KCNIP4: variants seen among roughly 807,000 people sequenced by gnomAD.
The protein encoded by KCNIP4 is Kv channel-interacting protein 4.
In KCNIP4, 12 loss-of-function variants were observed where a neutral mutation model predicts 34.0. The observed-to-expected ratio is 0.35, with a 90% CI of 0.23 to 0.57. KCNIP4 has a LOEUF of 0.57. Among genes scored for constraint, KCNIP4 ranks in the 20% least tolerant of loss-of-function variants. The probability of loss-of-function intolerance (pLI) is 0.83; values close to 1 mark genes in which losing one functional copy is unlikely to be tolerated. For missense variants in KCNIP4, 238 were observed against 311.7 expected (o/e 0.76, Z 1.78); for synonymous variants, 124 against 102.2 (o/e 1.21, Z -1.29).
At chr4:21,368,358 G>A (rs1277035875) in intron 1 of KCNIP4, among the ~76,000 whole-genome samples, 1 of 147,024 alleles carries the variant, frequency 6.8e-6, no homozygotes, top group Non-Finnish European at 1.5e-5. Flanking sequence ...AAGACCATTT[G>A]TGATTTAGAA....
At chr4:20,759,385 T>C (rs1340900133) in intron 3 of KCNIP4, among the ~76,000 whole-genome samples, 1 of 152,196 alleles carries the variant, frequency 6.6e-6, no homozygotes, top group Non-Finnish European at 1.5e-5. Flanking sequence ...ACAGGATGTC[T>C]AGGCATACCC....
At chr4:21,846,564 G>A (rs1157997934) in intron 1 of KCNIP4, 2 of 152,118 alleles carry the variant, frequency 1.3e-5, no homozygotes, top group East Asian at 1.9e-4. Flanking sequence ...ATGCTTACTA[G>A]TATAGCATAC....
At chr4:21,080,266 A>G (rs1231970608) in intron 1 of KCNIP4, among the ~76,000 whole-genome samples, 5 of 151,900 alleles carry the variant, frequency 3.3e-5, no homozygotes, top group African/African-American at 2.4e-5. Context: ...GGGGATTATC[A>G]TGACACCATC....
chr4:21,605,731 C>T (rs894716060), intron 1 of KCNIP4, among the ~76,000 whole-genome samples: 4 of 152,110 alleles, frequency 2.6e-5, no homozygotes, highest in East Asian at 1.9e-4. Context: ...TCGCCTACCT[C>T]GGCCTCCCAA....
chr4:20,776,973 T>C (rs903937384), intron 3 of KCNIP4, among the ~76,000 whole-genome samples: 5 of 152,144 alleles, frequency 3.3e-5, no homozygotes, highest in African/African-American at 1.2e-4. Flanking sequence ...TGCTATAGAC[T>C]GAAAGTGTGT....
intron 3 of KCNIP4, among the ~76,000 whole-genome samples, chr4:20,806,869 C>A (rs1303993805): frequency 6.6e-6 from 1 of 151,932 alleles, no homozygotes; most frequent in Non-Finnish European, 1.5e-5. Flanking sequence ...CAATGTTTAC[C>A]CAGGTATAAG....
intron 1 of KCNIP4, among the ~76,000 whole-genome samples, chr4:21,082,759 A>T (rs1474077649): frequency 6.6e-6 from 1 of 151,822 alleles, no homozygotes; most frequent in Non-Finnish European, 1.5e-5. Context: ...CTCTCCTCCA[A>T]AAGAAAAATA....
intron 1 of KCNIP4, among the ~76,000 whole-genome samples, chr4:21,292,070 T>C (rs1763558252): frequency 6.6e-6 from 1 of 152,206 alleles, no homozygotes; most frequent in Non-Finnish European, 1.5e-5. Context: ...CAGGAATTCA[T>C]CTGTTGCTTT....
At chr4:21,300,466 T>G (rs1711549489) in intron 1 of KCNIP4, among the ~76,000 whole-genome samples, 1 of 152,166 alleles carries the variant, frequency 6.6e-6, no homozygotes, top group Non-Finnish European at 1.5e-5. Context: ...CCTACTGCAC[T>G]GGCATTAAGA....
At position 21,575,108 on chromosome 4, in the gene KCNIP4, T is replaced by G. The variant is rs553285768; in HGVS notation, c.61+373463A>C. Among the ~76,000 whole-genome samples, 9 of 152,340 alleles carry G rather than the reference T, an allele frequency of 5.9e-5. 1 individual carries two copies. The East Asian group carries it at 1.7e-3, about 29-fold the overall frequency. On this transcript the variant is annotated intron_variant, in intron 1 of 8. Transcript: ENST00000382152. ...ATACTGCATAACTTGTAAACACTTA[T>G]GCTGACTCCAGCCTCTGTGGGAGAG...
intron 5 of KCNIP4, among the ~76,000 whole-genome samples, chr4:20,748,067 T>C (rs1578503769): frequency 6.6e-6 from 1 of 152,172 alleles, no homozygotes; most frequent in Non-Finnish European, 1.5e-5. Flanking sequence ...AATACTTAGC[T>C]GCTAATTACA....
At chr4:21,376,013 C>A (rs1450036144) in intron 1 of KCNIP4, among the ~76,000 whole-genome samples, 1 of 152,182 alleles carries the variant, frequency 6.6e-6, no homozygotes, top group Non-Finnish European at 1.5e-5. Context: ...GAGTTTCTCA[C>A]CTCCTGAAAA....
intron 1 of KCNIP4, among the ~76,000 whole-genome samples, chr4:21,021,849 A>AGTATAGTATC (rs1211373179): frequency 7.3e-6 from 1 of 137,172 alleles, no homozygotes; most frequent in East Asian, 2.1e-4. Context: ...AATAATGAAA[A>AGTATAGTATC]GTATAGTATC....
intron 1 of KCNIP4, among the ~76,000 whole-genome samples, chr4:21,719,773 C>A (rs1162365407): frequency 6.6e-6 from 1 of 151,754 alleles, no homozygotes; most frequent in Non-Finnish European, 1.5e-5. Context: ...ATCAACCTGG[C>A]CAATATGGGG....
intron 1 of KCNIP4, among the ~76,000 whole-genome samples, chr4:21,399,006 A>T (rs1723242649): frequency 6.6e-6 from 1 of 152,246 alleles, no homozygotes; most frequent in African/African-American, 2.4e-5. Flanking sequence ...TTTAAAAAAT[A>T]ATTACATAGT....
At chr4:20,794,683 A>C (rs1243535515) in intron 3 of KCNIP4, among the ~76,000 whole-genome samples, 1 of 152,168 alleles carries the variant, frequency 6.6e-6, no homozygotes, top group Non-Finnish European at 1.5e-5. Context: ...ATTCTAGTGA[A>C]GTTCTATTTC....
rs549000512 is a variant in KCNIP4 at position 20,833,238 on chromosome 4, G to C, written c.288+17305C>G. On this transcript the variant is annotated intron_variant, in intron 3 of 8. Coordinates refer to ENST00000382152, the MANE Select transcript of KCNIP4 (RefSeq NM_025221.6). ...ACATATTAATAATATACCTCATTTG[G>C]TGACATTGTTCTTTTTCCTTTATAA... Among the ~76,000 whole-genome samples the C allele has an allele frequency of 2.0e-5, 3 of 152,254 alleles. No homozygotes were observed. The East Asian group carries it at 5.8e-4, about 29-fold the overall frequency.
chr4:21,601,140 C>T (rs1413472732), intron 1 of KCNIP4, among the ~76,000 whole-genome samples: 1 of 151,698 alleles, frequency 6.6e-6, no homozygotes, highest in Admixed American at 6.6e-5. Flanking sequence ...TCTGGGCTTC[C>T]TAGCACCAAT....
rs535157453 is a variant in KCNIP4, at chr4:21,759,430, T to C, written c.61+189141A>G. 3.0e-4 allele frequency among the ~76,000 whole-genome samples: 46 copies of C among 152,308 alleles called. 1 individual carries two copies. In the South Asian group the frequency reaches 8.5e-3, roughly 28 times the overall value. Reference sequence around the variant, plus strand: ...AACTTATTGCCAAGTGAAAAAGAAATGAACATCTTCAACTGAATATTCTTG... The same window carrying C: ...AACTTATTGCCAAGTGAAAAAGAAACGAACATCTTCAACTGAATATTCTTG... On this transcript the variant is annotated intron_variant, in intron 1 of 8. Transcript: ENST00000382152.
Sources: allele counts gnomAD v4.1 joint callset (sites outside exome capture counted in the v4.1 genomes callset), GRCh38; gene constraint gnomAD v4.1.1; transcripts MANE v1.5; gene names NCBI Gene and HGNC (gene_info 2026-07-23, HGNC 2026-07-21).